Variants in SGCD observed in about 807,000 individuals in gnomAD.
SGCD encodes the protein sarcoglycan delta.
In SGCD, 18 loss-of-function variants were observed where a neutral mutation model predicts 36.6. The observed-to-expected ratio is 0.49, with a 90% CI of 0.34 to 0.73. The LOEUF (loss-of-function observed/expected upper bound fraction) is 0.73. Ranked by LOEUF, SGCD falls within the 30% of genes least tolerant of loss-of-function variation. SGCD has a pLI of 0.01. For synonymous variants in SGCD, 133 were observed against 130.6 expected, an observed-to-expected ratio of 1.02 and a Z score of -0.12; for missense variants, 387 against 346.7, an observed-to-expected ratio of 1.12 and a Z score of -0.92.
chr5:156,535,073 C>A (rs1758045019), intron 4 of SGCD, among the ~76,000 whole-genome samples: 1 of 152,214 alleles, frequency 6.6e-6, no homozygotes, highest in Non-Finnish European at 1.5e-5. Flanking sequence ...AAATAAAAAT[C>A]TCTTTTTTCC....
chr5:156,757,762 C>A (rs760611730), intron 8 of SGCD, 58 bp downstream of exon 8: 3 of 1,561,726 alleles, frequency 1.9e-6, no homozygotes, highest in Non-Finnish European at 1.7e-6. Flanking sequence ...GCCAACCCTT[C>A]CCATAACTGG....
chr5:155,919,309 T>G (rs1049981202), intron 1 of SGCD, among the ~76,000 whole-genome samples: 1 of 152,220 alleles, frequency 6.6e-6, no homozygotes, highest in Admixed American at 6.5e-5. Flanking sequence ...CATCTGTTTT[T>G]CCACTTATTG....
intron 1 of SGCD, among the ~76,000 whole-genome samples, chr5:155,959,514 A>G (rs1380420055): frequency 6.6e-6 from 1 of 150,942 alleles, no homozygotes; most frequent in African/African-American, 2.4e-5. Context: ...TTATCCTAAG[A>G]CTCCCCCAAC....
At chr5:156,611,049 C>T (rs568267064) in intron 6 of SGCD, among the ~76,000 whole-genome samples, 1 of 152,208 alleles carries the variant, frequency 6.6e-6, no homozygotes, top group Non-Finnish European at 1.5e-5. Context: ...ACCCACTGTC[C>T]TGCACCCAGT....
chr5:156,373,695 G>A (rs898158692), intron 3 of SGCD, among the ~76,000 whole-genome samples: 3 of 152,106 alleles, frequency 2.0e-5, no homozygotes, highest in Non-Finnish European at 2.9e-5. Context: ...GAAAATGAAC[G>A]GATAGCAATT....
At chr5:156,085,849 G>A (rs1320521514) in intron 1 of SGCD, among the ~76,000 whole-genome samples, 1 of 152,154 alleles carries the variant, frequency 6.6e-6, no homozygotes, top group Non-Finnish European at 1.5e-5. Context: ...TGCTTGTGGT[G>A]TTGGAAAATT....
In SGCD at chr5:156,111,646, C is replaced by T. The variant is rs369682833; in HGVS notation, c.-281-6232C>T. Among the ~76,000 whole-genome samples the T allele has an allele frequency of 2.9e-4, 44 of 149,220 alleles. No individual in the cohort carries two copies. In the South Asian group the frequency reaches 8.6e-3, roughly 29 times the overall value. Reference sequence around the variant, plus strand: ...CCATATGAGAGGCCCTGATGTGTAGCTAGTCATGTGAAAGAACTGAGAAAG... The same window carrying T: ...CCATATGAGAGGCCCTGATGTGTAGTTAGTCATGTGAAAGAACTGAGAAAG... On this transcript the variant is annotated intron_variant, in intron 1 of 9. Coordinates refer to the SGCD transcript ENST00000517913.
chr5:156,667,848 C>A (rs933912535), intron 7 of SGCD, among the ~76,000 whole-genome samples: 1 of 152,178 alleles, frequency 6.6e-6, no homozygotes, highest in Non-Finnish European at 1.5e-5. Flanking sequence ...ATTCTGAGAG[C>A]TTAAAATGTC....
At chr5:156,471,549 C>T (rs976029538) in intron 3 of SGCD, among the ~76,000 whole-genome samples, 3 of 151,884 alleles carry the variant, frequency 2.0e-5, no homozygotes, top group African/African-American at 4.8e-5. Context: ...TAAGGTCATT[C>T]GATTTGAGGA....
chr5:156,074,446 G>T (rs780245453), intron 1 of SGCD, among the ~76,000 whole-genome samples: 1 of 152,040 alleles, frequency 6.6e-6, no homozygotes. Flanking sequence ...TTACTTGGGA[G>T]GCTGAAGCAA....
At chr5:156,398,650 T>G (rs949259050) in intron 3 of SGCD, among the ~76,000 whole-genome samples, 3 of 152,222 alleles carry the variant, frequency 2.0e-5, no homozygotes, top group African/African-American at 7.2e-5. Context: ...ACCAAGTGCA[T>G]AGTTCTCACT....
At chr5:156,639,450 T>C (rs157320) in intron 6 of SGCD, among the ~76,000 whole-genome samples, 40,496 of 152,116 alleles carry the variant, frequency 0.27, 6,377 homozygotes, top group African/African-American at 0.44. Context: ...TGCACCTCTG[T>C]GCAGCCTGTG....
intron 1 of SGCD, among the ~76,000 whole-genome samples, chr5:156,072,328 G>C (rs1760601861): frequency 1.3e-5 from 2 of 151,854 alleles, no homozygotes; most frequent in Non-Finnish European, 1.5e-5. Flanking sequence ...CAGGTCTGGT[G>C]GTCACATAAT....
intron 3 of SGCD, among the ~76,000 whole-genome samples, chr5:156,240,448 G>A (rs902468907): frequency 2.6e-5 from 4 of 152,106 alleles, no homozygotes; most frequent in African/African-American, 9.7e-5. Context: ...AGGGAGATAA[G>A]CAGATGCATG....
chr5:156,458,336 A>G (rs892277230), intron 3 of SGCD: 13 of 1,048,904 alleles, frequency 1.2e-5, no homozygotes, highest in Non-Finnish European at 1.9e-5. Flanking sequence ...CTTTTGCGTG[A>G]CTGTAGGTTT....
chr5:155,901,293 C>G (rs912657461), intron 1 of SGCD, among the ~76,000 whole-genome samples: 6 of 144,988 alleles, frequency 4.1e-5, no homozygotes, highest in Non-Finnish European at 7.5e-5. Context: ...GCCTGGGCAA[C>G]AAGAGCGAAA....
intron 3 of SGCD, among the ~76,000 whole-genome samples, chr5:156,266,493 A>G (rs542687304): frequency 1.3e-5 from 2 of 152,196 alleles, no homozygotes; most frequent in Admixed American, 6.6e-5. Flanking sequence ...TTGACATTAA[A>G]AAATTTTGTA....
At chr5:155,730,204 C>T in the SGCD span, among the ~76,000 whole-genome samples, 2 of 152,140 alleles carry the variant, frequency 1.3e-5, no homozygotes, top group East Asian at 3.9e-4. Context: ...TTCACCTGAA[C>T]TCACCTTTCT....
chr5:156,376,974 T>TA (rs1001482046), intron 3 of SGCD, among the ~76,000 whole-genome samples: 8 of 151,704 alleles, frequency 5.3e-5, no homozygotes, highest in Middle Eastern at 3.4e-3. Context: ...TAATCATCAA[T>TA]AAAAAAAATG....
Sources: allele counts gnomAD v4.1 joint callset (sites outside exome capture counted in the v4.1 genomes callset), GRCh38; gene constraint gnomAD v4.1.1; transcripts MANE v1.5; gene names NCBI Gene and HGNC (gene_info 2026-07-23, HGNC 2026-07-21).